The following NTM variants were observed in gnomAD, a reference collection of about 807,000 sequenced individuals.
The protein encoded by NTM is IgLON family member 2.
Under a neutral mutation model 42.1 loss-of-function variants are expected in NTM, and 13 were observed. That is an observed-to-expected ratio of 0.31 (90% CI 0.20 to 0.49). NTM has a LOEUF of 0.49. NTM is among the 20% of genes least tolerant of loss of function. The pLI, the probability that NTM is intolerant of heterozygous loss-of-function variation, is 0.99. For synonymous variants in NTM, 187 were observed against 179.2 expected, an observed-to-expected ratio of 1.04 and a Z score of -0.35; for missense variants, 373 against 452.8, an observed-to-expected ratio of 0.82 and a Z score of 1.60.
intron 1 of NTM, among the ~76,000 whole-genome samples, chr11:131,491,088 C>G (rs1446413747): frequency 6.6e-6 from 1 of 152,136 alleles, no homozygotes; most frequent in Middle Eastern, 3.2e-3. Flanking sequence ...GTGGAAAGTT[C>G]TACCAAGTAT....
At chr11:131,609,129 C>A (rs1405480536) in intron 1 of NTM, among the ~76,000 whole-genome samples, 1 of 152,218 alleles carries the variant, frequency 6.6e-6, no homozygotes, top group Non-Finnish European at 1.5e-5. Flanking sequence ...CCTCGGGAGG[C>A]TGAGCTGGGC....
intron 1 of NTM, among the ~76,000 whole-genome samples, chr11:131,766,878 G>C (rs1013356246): frequency 6.6e-6 from 1 of 152,034 alleles, no homozygotes; most frequent in African/African-American, 2.4e-5. Flanking sequence ...ACAGCCTCTT[G>C]ATCCCTTTCT....
At chr11:132,110,216 A>T (rs762495039) in intron 2 of NTM, among the ~76,000 whole-genome samples, 12 of 152,358 alleles carry the variant, frequency 7.9e-5, no homozygotes, top group Non-Finnish European at 1.8e-4. Flanking sequence ...AGTGGCTAGA[A>T]CTTTGCTTGG....
At position 131,696,123 on chromosome 11, in the gene NTM, C is replaced by T. The variant is rs191140964; in HGVS notation, c.83-215441C>T. ...GAGCCGGCCCCCAGGGGAAGGAGGGCGAATTGTACTTGGGACAAAAAGAGC... is the reference window on the plus strand; with the variant it reads ...GAGCCGGCCCCCAGGGGAAGGAGGGTGAATTGTACTTGGGACAAAAAGAGC... On this transcript the variant is annotated intron_variant, in intron 1 of 8. Coordinates refer to ENST00000683400, the MANE Select transcript of NTM (RefSeq NM_001352005.2). Among the ~76,000 whole-genome samples, 512 of 152,186 alleles carry T rather than the reference C, an allele frequency of 3.4e-3. 5 individuals are homozygous for T. The highest frequency in any genetic ancestry group is 0.012 in the African/African-American group (481 of 41,512).
chr11:131,982,626 G>T (rs1046044155), intron 2 of NTM, among the ~76,000 whole-genome samples: 9 of 152,254 alleles, frequency 5.9e-5, no homozygotes, highest in African/African-American at 2.2e-4. Flanking sequence ...AAAATGAAAG[G>T]GGGGGCAGGG....
At chr11:131,942,964 G>A (rs940192128) in intron 2 of NTM, among the ~76,000 whole-genome samples, 19 of 151,572 alleles carry the variant, frequency 1.3e-4, no homozygotes, top group East Asian at 1.9e-4. Context: ...AAAAAAATGC[G>A]TAGAGTTTAG....
At chr11:131,647,035 C>T (rs1330013590) in intron 1 of NTM, among the ~76,000 whole-genome samples, 3 of 152,208 alleles carry the variant, frequency 2.0e-5, no homozygotes, top group Admixed American at 2.0e-4. Context: ...AGGCCTTCGG[C>T]TGTGTGTGAA....
At chr11:131,657,492 C>G (rs1048981586) in intron 1 of NTM, among the ~76,000 whole-genome samples, 1 of 152,200 alleles carries the variant, frequency 6.6e-6, no homozygotes, top group Non-Finnish European at 1.5e-5. Flanking sequence ...TGGTCTCCAC[C>G]AATTCCAGTT....
intron 2 of NTM, among the ~76,000 whole-genome samples, chr11:132,055,504 T>G (rs2079498235): frequency 6.6e-6 from 1 of 152,176 alleles, no homozygotes; most frequent in African/African-American, 2.4e-5. Flanking sequence ...TTTGGCACAT[T>G]AACCCTGTGG....
intron 2 of NTM, among the ~76,000 whole-genome samples, chr11:132,095,004 G>T (rs528528147): frequency 5.3e-5 from 8 of 152,342 alleles, no homozygotes; most frequent in African/African-American, 1.4e-4. Context: ...ATCATTGCAG[G>T]GAGAGGACAA....
chr11:131,652,267 A>G (rs1016693441), intron 1 of NTM, among the ~76,000 whole-genome samples: 14 of 152,196 alleles, frequency 9.2e-5, no homozygotes, highest in Non-Finnish European at 4.4e-5. Context: ...AGACATGATC[A>G]TTGTGTTTTT....
chr11:131,913,888 G>C (rs2055776056), intron 2 of NTM, among the ~76,000 whole-genome samples: 1 of 152,188 alleles, frequency 6.6e-6, no homozygotes, highest in South Asian at 2.1e-4. Flanking sequence ...AGATGAGCTA[G>C]GGTCTGAGCG....
chr11:131,970,588 A>G (rs2063400594), intron 2 of NTM, among the ~76,000 whole-genome samples: 1 of 152,214 alleles, frequency 6.6e-6, no homozygotes, highest in East Asian at 1.9e-4. Flanking sequence ...GGATTCAGCA[A>G]CACTTCCGCC....
intron 1 of NTM, among the ~76,000 whole-genome samples, chr11:131,493,968 ACCTTT>A (rs1955068414): frequency 1.3e-5 from 2 of 152,100 alleles, no homozygotes; most frequent in Admixed American, 6.5e-5. Context: ...CTCCTCAAAT[ACCTTT>A]TATTCTTATA....
intron 4 of NTM, among the ~76,000 whole-genome samples, chr11:132,238,724 C>T (rs2089597858): frequency 6.6e-6 from 1 of 152,182 alleles, no homozygotes; most frequent in South Asian, 2.1e-4. Flanking sequence ...AAAGAAGTTT[C>T]TGCATAAAGC....
chr11:131,822,365 A>G (rs1249056291), intron 1 of NTM, among the ~76,000 whole-genome samples: 1 of 152,220 alleles, frequency 6.6e-6, no homozygotes, highest in Admixed American at 6.5e-5. Flanking sequence ...AAGGAATAGA[A>G]TTGTTAAAAA....
At chr11:132,150,322 A>G (rs756106987) in intron 3 of NTM, among the ~76,000 whole-genome samples, 12 of 152,074 alleles carry the variant, frequency 7.9e-5, no homozygotes, top group Non-Finnish European at 1.3e-4. Flanking sequence ...CCCACCTCCA[A>G]TTTTGGAATC....
intron 3 of NTM, among the ~76,000 whole-genome samples, chr11:132,208,470 C>T (rs904072645): frequency 6.6e-6 from 1 of 152,242 alleles, no homozygotes; most frequent in Non-Finnish European, 1.5e-5. Context: ...GCAAGCACTT[C>T]TCAACTTCTA....
intron 1 of NTM, among the ~76,000 whole-genome samples, chr11:131,617,711 T>C (rs2062082713): frequency 6.6e-6 from 1 of 152,200 alleles, no homozygotes; most frequent in Non-Finnish European, 1.5e-5. Flanking sequence ...AGAACTAAAA[T>C]GTCCTCCACC....
Sources: gnomAD v4.1 joint callset for allele counts (sites outside exome capture counted in the v4.1 genomes callset) on GRCh38, gnomAD v4.1.1 for gene constraint, MANE v1.5 for transcripts, NCBI Gene and HGNC (gene_info 2026-07-23, HGNC 2026-07-21) for gene names.